Variants in CCDC7 observed in about 807,000 individuals in gnomAD.
The protein encoded by CCDC7 is coiled-coil domain-containing protein 7.
In CCDC7, 183 loss-of-function variants were observed where a neutral mutation model predicts 196.9. That is an observed-to-expected ratio of 0.93 (90% CI 0.82 to 1.05). CCDC7 has a LOEUF of 1.05. Ranked by LOEUF, CCDC7 falls within the 50% of genes least tolerant of loss-of-function variation. The pLI, the probability that CCDC7 is intolerant of heterozygous loss-of-function variation, is 0.00. For synonymous variants in CCDC7, 525 were observed against 484.6 expected (o/e 1.08, Z -1.10); for missense variants, 1,540 against 1,482.2 (o/e 1.04, Z -0.64).
At chr10:32,444,302 T>C (rs752858035), upstream of CCDC7, among the ~76,000 whole-genome samples, 2 of 152,232 alleles carry the variant, frequency 1.3e-5, no homozygotes, top group Admixed American at 1.3e-4. Context: ...AATCGATTCA[T>C]GTCACAGACT....
At chr10:32,502,070 C>T (rs1010568734) in intron 9 of CCDC7, among the ~76,000 whole-genome samples, 1 of 152,076 alleles carries the variant, frequency 6.6e-6, no homozygotes, top group East Asian at 1.9e-4. Flanking sequence ...TGGTGGATGC[C>T]CCTCCCCCTA....
chr10:32,540,485 T>C (rs550477695), intron 11 of CCDC7, among the ~76,000 whole-genome samples: 1 of 152,346 alleles, frequency 6.6e-6, no homozygotes, highest in East Asian at 1.9e-4. Flanking sequence ...AGCTTGCCAC[T>C]CTGTACCTTT....
intron 20 of CCDC7, among the ~76,000 whole-genome samples, chr10:32,655,040 AAATAG>A (rs2069526392): frequency 6.6e-6 from 1 of 152,218 alleles, no homozygotes. Context: ...AAGTCAGGTC[AAATAG>A]ATATATACCT....
intron 20 of CCDC7, among the ~76,000 whole-genome samples, chr10:32,657,937 G>T (rs1169742728): frequency 1.3e-5 from 2 of 152,140 alleles, no homozygotes; most frequent in African/African-American, 2.4e-5. Context: ...TGTAGGGCAG[G>T]GGCAAAATGC....
chr10:32,510,001 C>T (rs1262387971), intron 9 of CCDC7, among the ~76,000 whole-genome samples: 2 of 152,128 alleles, frequency 1.3e-5, no homozygotes, highest in Admixed American at 6.6e-5. Context: ...TAAAATAGAA[C>T]TACCATATGA....
intron 13 of CCDC7, among the ~76,000 whole-genome samples, chr10:32,563,903 T>G (rs1316384178): frequency 1.3e-5 from 2 of 152,058 alleles, no homozygotes; most frequent in East Asian, 3.9e-4. Flanking sequence ...CCTACTTATC[T>G]GACAAAGGGC....
chr10:32,452,696 G>C (rs1205250870), intron 1 of CCDC7, among the ~76,000 whole-genome samples: 3 of 152,028 alleles, frequency 2.0e-5, no homozygotes, highest in African/African-American at 7.2e-5. Context: ...GACCTCAGGT[G>C]ATCCACCCGC....
At chr10:32,547,971 G>A (rs1274101468) in intron 13 of CCDC7, among the ~76,000 whole-genome samples, 1 of 152,014 alleles carries the variant, frequency 6.6e-6, no homozygotes, top group Non-Finnish European at 1.5e-5. Flanking sequence ...AGTCCCCAAA[G>A]TCTATTGTAT....
At chr10:32,676,353 G>A (rs779283414) in intron 21 of CCDC7, among the ~76,000 whole-genome samples, 73 of 152,042 alleles carry the variant, frequency 4.8e-4, no homozygotes, top group Middle Eastern at 3.4e-3. Context: ...TGGCAACAAA[G>A]CCAAAATTGA....
chr10:32,553,054 G>A (rs1423877896), intron 13 of CCDC7, among the ~76,000 whole-genome samples: 2 of 146,806 alleles, frequency 1.4e-5, no homozygotes, highest in Admixed American at 6.8e-5. Context: ...CAGGAAAATC[G>A]TTTATTCTTA....
At chr10:32,481,994 G>T (rs559467497) in intron 8 of CCDC7, among the ~76,000 whole-genome samples, 2 of 151,798 alleles carry the variant, frequency 1.3e-5, no homozygotes, top group East Asian at 1.9e-4. Flanking sequence ...TATTCTTTGG[G>T]TTGTACCTGT....
In CCDC7 at chr10:32,700,231, A is replaced by G. The variant is rs538054435; in HGVS notation, c.2458+5239A>G. Among the ~76,000 whole-genome samples the G allele has an allele frequency of 2.0e-5, 3 of 149,518 alleles. No individual in the cohort carries two copies. In the East Asian group the frequency reaches 5.8e-4, roughly 29 times the overall value. Reference sequence around the variant, plus strand: ...TAATCGATCTTGAATTAATTTTTGTATAAGGTGTAAGGAAGGGATCCAGAT... The same window carrying G: ...TAATCGATCTTGAATTAATTTTTGTGTAAGGTGTAAGGAAGGGATCCAGAT... On this transcript the variant is annotated intron_variant, in intron 24 of 41. Coordinates refer to ENST00000639629, the Ensembl canonical transcript of CCDC7.
intron 41 of CCDC7, among the ~76,000 whole-genome samples, chr10:32,863,651 A>G (rs2094092148): frequency 6.6e-6 from 1 of 152,014 alleles, no homozygotes; most frequent in African/African-American, 2.4e-5. Flanking sequence ...GCAATGGGGA[A>G]AGAATAGTCT....
At chr10:32,853,040 TTAG>T (rs1286299875) in intron 40 of CCDC7, among the ~76,000 whole-genome samples, 2 of 152,154 alleles carry the variant, frequency 1.3e-5, no homozygotes, top group African/African-American at 4.8e-5. Flanking sequence ...TCAAGCTGGG[TTAG>T]TCATTGTTCA....
At chr10:32,708,408 T>A (rs1047027509) in intron 24 of CCDC7, among the ~76,000 whole-genome samples, 8 of 152,166 alleles carry the variant, frequency 5.3e-5, no homozygotes, top group African/African-American at 1.9e-4. Context: ...ATCATAGGCA[T>A]GGACAAAAAC....
chr10:32,777,741 G>A (rs1456110100), intron 28 of CCDC7, among the ~76,000 whole-genome samples: 4 of 152,048 alleles, frequency 2.6e-5, no homozygotes, highest in Admixed American at 6.5e-5. Context: ...GCATGCGCCT[G>A]TAATCCCAGC....
At chr10:32,829,532 G>A (rs1232351988) in intron 32 of CCDC7, among the ~76,000 whole-genome samples, 2 of 152,098 alleles carry the variant, frequency 1.3e-5, no homozygotes, top group South Asian at 2.1e-4. Flanking sequence ...CAGCATTTAA[G>A]TATTGTTAAC....
intron 11 of CCDC7, among the ~76,000 whole-genome samples, chr10:32,522,107 A>G (rs1211252478): frequency 6.6e-6 from 1 of 152,190 alleles, no homozygotes. Flanking sequence ...TCTTGCATCA[A>G]TAGTCACCAG....
chr10:32,866,846 G>C (rs774322839), intron 41 of CCDC7, among the ~76,000 whole-genome samples: 2 of 151,546 alleles, frequency 1.3e-5, no homozygotes, highest in Non-Finnish European at 3.0e-5. Flanking sequence ...CTTTACAGTA[G>C]AGAAACATAA....
Sources: gnomAD v4.1 joint callset for allele counts (sites outside exome capture counted in the v4.1 genomes callset) on GRCh38, gnomAD v4.1.1 for gene constraint, MANE v1.5 for transcripts, NCBI Gene and HGNC (gene_info 2026-07-23, HGNC 2026-07-21) for gene names.